The following PTPRD variants were observed in gnomAD, a reference collection of about 807,000 sequenced individuals.
PTPRD encodes protein tyrosine phosphatase receptor type D, also known as receptor-type tyrosine-protein phosphatase delta.
PTPRD carries 34 observed loss-of-function variants against 214.5 expected under a neutral mutation model. That is an observed-to-expected ratio of 0.16 (90% CI 0.12 to 0.21). PTPRD has a LOEUF of 0.21. PTPRD is among the 10% of genes least tolerant of loss of function. The pLI is 1.00. For synonymous variants in PTPRD, 1,128 were observed against 845.7 expected (o/e 1.33, Z -5.79); for missense variants, 2,545 against 2,398.7 (o/e 1.06, Z -1.27).
At chr9:8,584,158 T>A (rs1302793203) in intron 14 of PTPRD, among the ~76,000 whole-genome samples, 1 of 152,064 alleles carries the variant, frequency 6.6e-6, no homozygotes, top group Admixed American at 6.6e-5. Flanking sequence ...TGTCTCAAAA[T>A]TTTTAAAAAA....
rs186191143 is a variant in PTPRD at position 8,827,037 on chromosome 9, C to A, written c.-103-93091G>T. ...ACTCTAGTGTCTTTCTACCCCTACACACACACATATAACACACACACACAC... is the reference window on the plus strand; with the variant it reads ...ACTCTAGTGTCTTTCTACCCCTACAAACACACATATAACACACACACACAC... On this transcript the variant is annotated intron_variant, in intron 11 of 45. Transcript: ENST00000381196. Among the ~76,000 whole-genome samples the A allele has an allele frequency of 1.5e-3, 229 of 152,132 alleles. 1 individual carries two copies. Among genetic ancestry groups the A allele is most frequent in the Non-Finnish European group, 2.6e-3 (180 of 67,978 alleles).
chr9:9,871,766 C>G (rs936336143), intron 5 of PTPRD, among the ~76,000 whole-genome samples: 1 of 152,020 alleles, frequency 6.6e-6, no homozygotes, highest in African/African-American at 2.4e-5. Flanking sequence ...AGGAGAAGCT[C>G]ATGGGCAGAG....
chr9:10,510,437 C>T (rs2047599898), intron 2 of PTPRD, among the ~76,000 whole-genome samples: 1 of 152,094 alleles, frequency 6.6e-6, no homozygotes, highest in Non-Finnish European at 1.5e-5. Context: ...TTATACCTTC[C>T]TAAAAGATCC....
intron 18 of PTPRD, among the ~76,000 whole-genome samples, chr9:8,524,281 G>C (rs1284757807): frequency 1.3e-5 from 2 of 151,974 alleles, no homozygotes; most frequent in African/African-American, 2.4e-5. Context: ...GTTTTCCATT[G>C]CAATCAAAAA....
chr9:8,693,010 G>T (rs1005152800), intron 12 of PTPRD, among the ~76,000 whole-genome samples: 1 of 152,200 alleles, frequency 6.6e-6, no homozygotes, highest in African/African-American at 2.4e-5. Flanking sequence ...TATACAGACT[G>T]CATGTCCTGA....
intron 26 of PTPRD, among the ~76,000 whole-genome samples, chr9:8,494,872 G>C (rs1162477353): frequency 3.3e-5 from 5 of 152,040 alleles, no homozygotes; most frequent in Non-Finnish European, 5.9e-5. Flanking sequence ...TTCCTTGGTT[G>C]TTTCAGTATG....
chr9:8,781,265 AG>A (rs1319892436), intron 11 of PTPRD, among the ~76,000 whole-genome samples: 2 of 152,326 alleles, frequency 1.3e-5, no homozygotes, highest in East Asian at 1.9e-4. Context: ...CTTAAGAGTC[AG>A]GGGGCTGCTC....
intron 10 of PTPRD, among the ~76,000 whole-genome samples, chr9:9,053,195 A>G (rs1411443996): frequency 6.6e-6 from 1 of 152,196 alleles, no homozygotes; most frequent in African/African-American, 2.4e-5. Flanking sequence ...CATAATGTTT[A>G]ACATAATAGT....
intron 3 of PTPRD, among the ~76,000 whole-genome samples, chr9:10,097,944 A>C (rs1379570863): frequency 6.6e-6 from 1 of 151,836 alleles, no homozygotes; most frequent in South Asian, 2.1e-4. Context: ...GCGATTCCTC[A>C]GGGATCTAGA....
chr9:10,097,335 G>A (rs1411094861), intron 3 of PTPRD, among the ~76,000 whole-genome samples: 1 of 119,918 alleles, frequency 8.3e-6, no homozygotes, highest in Admixed American at 9.4e-5. Context: ...GGGCAGTATG[G>A]CCATTTTCAC....
intron 2 of PTPRD, among the ~76,000 whole-genome samples, chr9:10,606,796 G>C (rs564952485): frequency 6.6e-6 from 1 of 151,966 alleles, no homozygotes; most frequent in Non-Finnish European, 1.5e-5. Context: ...GCTGCTGAAG[G>C]AGTCCCCTTT....
At chr9:10,196,760 A>G (rs1322164) in intron 3 of PTPRD, among the ~76,000 whole-genome samples, 4,726 of 152,190 alleles carry the variant, frequency 0.031, 103 homozygotes, top group Middle Eastern at 0.051. Flanking sequence ...ATGTTTGCAT[A>G]CCCCCAGAAT....
chr9:9,434,517 A>G (rs972501761), intron 8 of PTPRD, among the ~76,000 whole-genome samples: 75 of 152,320 alleles, frequency 4.9e-4, no homozygotes, highest in African/African-American at 1.7e-3. Context: ...AAATAGAAAA[A>G]TAAGGTTCTG....
intron 3 of PTPRD, among the ~76,000 whole-genome samples, chr9:10,074,759 G>A (rs1343065757): frequency 6.6e-6 from 1 of 152,066 alleles, no homozygotes; most frequent in African/African-American, 2.4e-5. Context: ...CCAAACCAGA[G>A]TAGTGGGAAG....
intron 5 of PTPRD, among the ~76,000 whole-genome samples, chr9:9,903,053 ATG>A (rs1030161426): frequency 6.6e-5 from 10 of 151,130 alleles, no homozygotes; most frequent in African/African-American, 2.4e-4. Flanking sequence ...GATTTTACAT[ATG>A]TATATGTGTA....
chr9:8,974,464 G>A (rs1384919511), intron 11 of PTPRD, among the ~76,000 whole-genome samples: 1 of 151,810 alleles, frequency 6.6e-6, no homozygotes. Context: ...TTGTTACATA[G>A]GTATACATGC....
chr9:10,221,331 C>T (rs1594623060), intron 3 of PTPRD, among the ~76,000 whole-genome samples: 1 of 152,064 alleles, frequency 6.6e-6, no homozygotes, highest in South Asian at 2.1e-4. Context: ...ACACACACCT[C>T]TGCATACTCG....
chr9:9,768,961 T>C (rs1248306394), intron 5 of PTPRD, among the ~76,000 whole-genome samples: 1 of 152,172 alleles, frequency 6.6e-6, no homozygotes, highest in African/African-American at 2.4e-5. Flanking sequence ...AGGTTACTTG[T>C]TCTGATTTTT....
chr9:8,486,582 T>A, intron 27 of PTPRD: 2 of 665,284 alleles, frequency 3.0e-6, no homozygotes, highest in Non-Finnish European at 5.5e-6. Flanking sequence ...ACAGAAATTA[T>A]CATTGAAACA....
Sources: gnomAD v4.1 joint callset for allele counts (sites outside exome capture counted in the v4.1 genomes callset) on GRCh38, gnomAD v4.1.1 for gene constraint, MANE v1.5 for transcripts, NCBI Gene and HGNC (gene_info 2026-07-23, HGNC 2026-07-21) for gene names.